Variants in NBPF8 observed in about 807,000 individuals in gnomAD.
The protein encoded by NBPF8 is NBPF family member NBPF8.
At chr1:120,460,433 T>A (rs1448655554) in intron 17 of NBPF8, 140 bp from the exon 16 acceptor site, 94 of 761,908 alleles carry the variant, frequency 1.2e-4, no homozygotes, top group East Asian at 6.1e-4. Context: ...ACCTCAGGCC[T>A]ACTGGAATAT....
chr1:120,434,204 C>A (rs1660998507), upstream of NBPF8, among the ~76,000 whole-genome samples: 1 of 149,726 alleles, frequency 6.7e-6, no homozygotes, highest in African/African-American at 2.5e-5. Context: ...GTAGCCCTCG[C>A]TCCGCCACTT....
chr1:120,467,789 A>T (rs1661780315), downstream of NBPF8: 1 of 152,178 alleles, frequency 6.6e-6, no homozygotes, highest in South Asian at 2.1e-4. Flanking sequence ...ATATTTGATT[A>T]TGCTGATTGG....
downstream of NBPF8, among the ~76,000 whole-genome samples, chr1:120,468,823 C>A (rs1169130286): frequency 8.3e-4 from 125 of 151,252 alleles, 1 homozygote; most frequent in African/African-American, 3.0e-3. Context: ...AACAGGCCCT[C>A]CCTGCTGTCC....
chr1:120,459,547 G>T lies in NBPF8; in HGVS notation n.2784+17G>T. The T allele has an allele frequency of 7.2e-7, 1 of 1,392,584 alleles. No homozygotes were observed. The highest frequency in any genetic ancestry group is 1.0e-6 in the Non-Finnish European group (1 of 985,512). 86.3% of individuals were successfully genotyped at this position (1,392,584 alleles called of 1,614,324 possible). A position where few individuals can be genotyped will look rare whatever the true frequency, so the allele number is the denominator to read the frequency against. ...ACATAGGCAGTGAGTACTCCATTGTGAAGGTGATAAAGCTCCAGTTCATGG... is the reference window on the plus strand; with the variant it reads ...ACATAGGCAGTGAGTACTCCATTGTTAAGGTGATAAAGCTCCAGTTCATGG... On this transcript the variant is annotated intron_variant and non_coding_transcript_variant, in intron 17 of 24. Transcript: ENST00000583271.
intron 1 of NBPF8, among the ~76,000 whole-genome samples, chr1:120,425,109 T>C (rs1337259436): frequency 4.0e-5 from 6 of 151,562 alleles, no homozygotes; most frequent in Non-Finnish European, 7.4e-5. Flanking sequence ...CCCCATGTGA[T>C]AGTCTGAAAT....
At chr1:120,460,551 G>T in intron 17 of NBPF8, 22 bp from the exon 16 acceptor site, 2 of 1,368,754 alleles carry the variant, frequency 1.5e-6, no homozygotes, top group Non-Finnish European at 2.1e-6. Flanking sequence ...ATGTAAGAGG[G>T]CCCATATGAA....
Position 120,465,416 on chromosome 1 carries a change from G to A in NBPF8, n.3568+45G>A, listed in dbSNP as rs1209086491. The A allele has an allele frequency of 4.2e-5, 23 of 546,296 alleles. 2 individuals are homozygous for A. The African/African-American group carries it at 8.1e-4, about 19-fold the overall frequency. 33.8% of individuals were successfully genotyped at this position (546,296 alleles called of 1,614,324 possible). A position where few individuals can be genotyped will look rare whatever the true frequency, so the allele number is the denominator to read the frequency against. Reference sequence around the variant, plus strand: ...GATGCTTAATTCTGTGTTAACACCTGGAGGCAACAGATTCAGGGAAACCAG... The same window carrying A: ...GATGCTTAATTCTGTGTTAACACCTAGAGGCAACAGATTCAGGGAAACCAG... On this transcript the variant is annotated intron_variant and non_coding_transcript_variant, in intron 24 of 24. Transcript: ENST00000583271.
chr1:120,429,981 C>T, intron 3 of NBPF8, among the ~76,000 whole-genome samples: 1 of 148,882 alleles, frequency 6.7e-6, no homozygotes, highest in African/African-American at 2.5e-5. Context: ...AAACTTTTTT[C>T]ATGATTTATA....
intron 11 of NBPF8, among the ~76,000 whole-genome samples, chr1:120,449,787 C>G (rs367641682): frequency 1.3e-5 from 2 of 152,124 alleles, no homozygotes; most frequent in East Asian, 3.9e-4. Context: ...TTATTCAGTT[C>G]AAGTTTCTGT....
At chr1:120,446,377 GCTGT>G (rs1208499893) in intron 8 of NBPF8, among the ~76,000 whole-genome samples, 2,983 of 61,244 alleles carry the variant, frequency 0.049, no homozygotes, top group African/African-American at 0.14. Context: ...AGGTTCCCAG[GCTGT>G]CTTTTTGGCA....
chr1:120,436,436 T>A, exon 1 of NBPF8: 2 of 1,200,898 alleles, frequency 1.7e-6, no homozygotes, highest in East Asian at 2.3e-5. Context: ...ATTAAACCTA[T>A]TTGATTTCAC....
intron 15 of NBPF8, among the ~76,000 whole-genome samples, chr1:120,454,861 CACA>C (rs1661392297): frequency 7.0e-6 from 1 of 142,370 alleles, no homozygotes; most frequent in African/African-American, 2.7e-5. Flanking sequence ...ACCACAGGTG[CACA>C]ACATCACATC....
exon 25 of NBPF8, chr1:120,466,575 G>T (rs1661757619): frequency 3.6e-6 from 1 of 281,470 alleles, no homozygotes; most frequent in Non-Finnish European, 6.8e-6. Context: ...TGTCATCTTT[G>T]TGTTTAGCTC....
chr1:120,464,379 C>G (rs1661683013), exon 23 of NBPF8: 2 of 774,134 alleles, frequency 2.6e-6, no homozygotes, highest in East Asian at 2.5e-5. Context: ...TTTCCAGGCT[C>G]AGCAGGGAGC....
chr1:120,464,427 A>C, exon 23 of NBPF8: 2 of 762,804 alleles, frequency 2.6e-6, no homozygotes, highest in Admixed American at 1.7e-5. Context: ...TGCAGGACTC[A>C]CTGGATAGAT....
chr1:120,428,375 T>G (rs1396319475), intron 3 of NBPF8, among the ~76,000 whole-genome samples: 1 of 152,042 alleles, frequency 6.6e-6, no homozygotes, highest in African/African-American at 2.4e-5. Context: ...TCACAGAATA[T>G]CAGAGCCAGA....
upstream of NBPF8, among the ~76,000 whole-genome samples, chr1:120,415,455 G>T (rs1553245011): frequency 1.3e-5 from 2 of 152,134 alleles, no homozygotes; most frequent in Non-Finnish European, 2.9e-5. Flanking sequence ...TCGATTCCTC[G>T]CTTGCCGCTG....
At chr1:120,446,035 T>C (rs1661150377) in exon 8 of NBPF8, 1 of 1,275,230 alleles carries the variant, frequency 7.8e-7, no homozygotes, top group Non-Finnish European at 1.1e-6. Flanking sequence ...GTCCAAAAGC[T>C]CAGCCCAGGT....
chr1:120,415,676 A>T (rs1343105851), upstream of NBPF8, among the ~76,000 whole-genome samples: 1 of 152,190 alleles, frequency 6.6e-6, no homozygotes, highest in Non-Finnish European at 1.5e-5. Flanking sequence ...CTGACTTGCA[A>T]AGTTGGGGTC....
Sources: allele counts gnomAD v4.1 joint callset (sites outside exome capture counted in the v4.1 genomes callset), GRCh38; gene constraint gnomAD v4.1.1; transcripts MANE v1.5; gene names NCBI Gene and HGNC (gene_info 2026-07-23, HGNC 2026-07-21).